ADAMTSL1: variants seen among roughly 807,000 people sequenced by gnomAD.
ADAMTSL1 encodes ADAMTS-like protein 1.
Under a neutral mutation model 201.8 loss-of-function variants are expected in ADAMTSL1, and 126 were observed. The ratio of observed to expected loss-of-function variants is 0.62; its 90% CI spans 0.54 to 0.72. ADAMTSL1 has a LOEUF of 0.72. ADAMTSL1 is among the 30% of genes least tolerant of loss of function. ADAMTSL1 has a pLI of 0.00. For synonymous variants in ADAMTSL1, 1,121 were observed against 903.4 expected, an observed-to-expected ratio of 1.24 and a Z score of -4.32; for missense variants, 2,679 against 2,277.8, an observed-to-expected ratio of 1.18 and a Z score of -3.59.
At chr9:18,297,313 G>A (rs1440500182) in intron 2 of ADAMTSL1, among the ~76,000 whole-genome samples, 3 of 151,508 alleles carry the variant, frequency 2.0e-5, no homozygotes, top group South Asian at 2.1e-4. Context: ...AGGCAACATC[G>A]TTTTACTCTC....
At chr9:18,155,670 T>C (rs1269218196) in intron 1 of ADAMTSL1, among the ~76,000 whole-genome samples, 1 of 152,020 alleles carries the variant, frequency 6.6e-6, no homozygotes, top group Non-Finnish European at 1.5e-5. Flanking sequence ...ACTCCCCTTC[T>C]GTAGAGCATT....
intron 8 of ADAMTSL1, among the ~76,000 whole-genome samples, chr9:18,661,220 G>A (rs1829071039): frequency 6.6e-6 from 1 of 152,176 alleles, no homozygotes; most frequent in Non-Finnish European, 1.5e-5. Context: ...TCTTTAAACA[G>A]TGACAATTTG....
intron 2 of ADAMTSL1, among the ~76,000 whole-genome samples, chr9:18,287,890 C>G (rs1051117886): frequency 6.6e-6 from 1 of 152,142 alleles, no homozygotes; most frequent in Non-Finnish European, 1.5e-5. Context: ...TCAAGTTTTT[C>G]TCCTACTCCC....
chr9:17,978,896 A>T (rs1164850003), intron 1 of ADAMTSL1, among the ~76,000 whole-genome samples: 2 of 152,006 alleles, frequency 1.3e-5, no homozygotes, highest in Admixed American at 6.6e-5. Context: ...TGTTTGTCTG[A>T]GAGAGTCTTT....
intron 1 of ADAMTSL1, among the ~76,000 whole-genome samples, chr9:17,973,088 C>T: frequency 2.3e-5 from 1 of 43,250 alleles, no homozygotes; most frequent in Non-Finnish European, 5.7e-5. Flanking sequence ...GAGTAGGTTG[C>T]AAAAATTTTC....
intron 16 of ADAMTSL1, among the ~76,000 whole-genome samples, chr9:18,756,281 C>CAAAAAAA (rs11326013): frequency 1.5e-5 from 1 of 68,490 alleles, no homozygotes. Flanking sequence ...TCTGTCTCGA[C>CAAAAAAA]AAAAAAAAAA....
intron 2 of ADAMTSL1, among the ~76,000 whole-genome samples, chr9:18,332,260 T>C (rs1159822025): frequency 6.6e-6 from 1 of 152,216 alleles, no homozygotes; most frequent in Non-Finnish European, 1.5e-5. Flanking sequence ...TATGTACTAT[T>C]TGAGAAAAAC....
At chr9:18,245,361 T>A (rs571719226) in intron 2 of ADAMTSL1, among the ~76,000 whole-genome samples, 2 of 152,164 alleles carry the variant, frequency 1.3e-5, no homozygotes. Context: ...TGATAGTAAA[T>A]CTTAGGAATT....
At chr9:18,005,807 C>T (rs1318209483) in intron 1 of ADAMTSL1, among the ~76,000 whole-genome samples, 1 of 151,996 alleles carries the variant, frequency 6.6e-6, no homozygotes, top group African/African-American at 2.4e-5. Flanking sequence ...TTTACTAAAT[C>T]CAGTTCAAAC....
At chr9:18,446,363 T>C (rs1249389858) in intron 2 of ADAMTSL1, among the ~76,000 whole-genome samples, 3 of 152,254 alleles carry the variant, frequency 2.0e-5, no homozygotes, top group Admixed American at 2.0e-4. Context: ...TCTGAAAGCA[T>C]TTAAAGGCAT....
At chr9:18,746,472 C>T (rs554046062) in intron 15 of ADAMTSL1, among the ~76,000 whole-genome samples, 18 of 152,292 alleles carry the variant, frequency 1.2e-4, no homozygotes, top group African/African-American at 4.3e-4. Context: ...GCAGAAATGT[C>T]ACACAAGTTT....
chr9:17,974,103 A>G (rs1490128452), intron 1 of ADAMTSL1, among the ~76,000 whole-genome samples: 1 of 152,054 alleles, frequency 6.6e-6, no homozygotes, highest in Non-Finnish European at 1.5e-5. Context: ...TCTCAAAATA[A>G]TAAGAGCTAT....
chr9:18,780,064 G>C (rs948307759), intron 19 of ADAMTSL1, among the ~76,000 whole-genome samples: 1 of 152,218 alleles, frequency 6.6e-6, no homozygotes, highest in Non-Finnish European at 1.5e-5. Flanking sequence ...CCTGCAGGGA[G>C]AACATTGAGC....
chr9:18,486,872 A>C (rs17801409), intron 1 of ADAMTSL1, among the ~76,000 whole-genome samples: 11,987 of 152,202 alleles, frequency 0.079, 644 homozygotes, highest in Non-Finnish European at 0.12. Flanking sequence ...TTTCTCACCA[A>C]ATAGCGTCCT....
chr9:18,649,536 TTGA>T (rs71333056), intron 7 of ADAMTSL1, among the ~76,000 whole-genome samples: 18,481 of 151,920 alleles, frequency 0.12, 1,308 homozygotes, highest in Non-Finnish European at 0.16. Flanking sequence ...CTTTTGGTCT[TTGA>T]TGATGGTGAT....
chr9:18,350,275 T>C (rs922793016), intron 2 of ADAMTSL1, among the ~76,000 whole-genome samples: 2 of 152,078 alleles, frequency 1.3e-5, no homozygotes, highest in Non-Finnish European at 2.9e-5. Context: ...ATGGCTTTAT[T>C]CTTTCAGGTG....
chr9:17,939,368 C>G (rs1203034256), intron 1 of ADAMTSL1, among the ~76,000 whole-genome samples: 10 of 151,866 alleles, frequency 6.6e-5, no homozygotes, highest in South Asian at 2.1e-4. Context: ...TCAAACTAGT[C>G]TGTTCTTGGG....
At chr9:18,364,445 T>G (rs1586978025) in intron 2 of ADAMTSL1, among the ~76,000 whole-genome samples, 1 of 152,222 alleles carries the variant, frequency 6.6e-6, no homozygotes, top group East Asian at 1.9e-4. Flanking sequence ...CAATTCTCTC[T>G]CAGACAATAT....
intron 2 of ADAMTSL1, among the ~76,000 whole-genome samples, chr9:18,405,837 C>T (rs994352090): frequency 1.3e-5 from 2 of 152,150 alleles, no homozygotes; most frequent in African/African-American, 4.8e-5. Flanking sequence ...TCTTCTTCAC[C>T]TGACCATTTC....
Sources: allele counts gnomAD v4.1 joint callset (sites outside exome capture counted in the v4.1 genomes callset), GRCh38; gene constraint gnomAD v4.1.1; transcripts MANE v1.5; gene names NCBI Gene and HGNC (gene_info 2026-07-23, HGNC 2026-07-21).